The following CTPS2 variants were observed in gnomAD, a reference collection of about 807,000 sequenced individuals.
The protein encoded by CTPS2 is CTP synthase 2.
Under a neutral mutation model 46.8 loss-of-function variants are expected in CTPS2, and 19 were observed. That is an observed-to-expected ratio of 0.41 (90% confidence interval 0.28 to 0.60). The LOEUF (loss-of-function observed/expected upper bound fraction) is 0.60, where lower values mean the gene tolerates loss of function less well. Among genes scored for constraint, CTPS2 ranks in the 20% least tolerant of loss-of-function variants. CTPS2 has a pLI of 0.35. For missense variants in CTPS2, 286 were observed against 447.6 expected, an observed-to-expected ratio of 0.64 and a Z score of 3.26; for synonymous variants, 151 against 165.2, an observed-to-expected ratio of 0.91 and a Z score of 0.66.
At chrX:16,636,662 C>T (rs972175094) in intron 14 of CTPS2, among the ~76,000 whole-genome samples, 26 of 111,718 alleles carry the variant, frequency 2.3e-4, no homozygotes, top group African/African-American at 8.1e-4. Context: ...CGGTGGCTCA[C>T]GCCTGTAATC....
intron 14 of CTPS2, among the ~76,000 whole-genome samples, chrX:16,620,946 G>A (rs1450950585): frequency 8.9e-6 from 1 of 112,070 alleles, no homozygotes; most frequent in Non-Finnish European, 1.9e-5. Flanking sequence ...ATAGAAATGA[G>A]GACAAAGACT....
rs1350167470 is a variant in CTPS2, at chrX:16,589,396, C to T, written c.*421G>A. ...AAATCTGTGGCTGAGTTCCAGGTAA[C>T]ACAGTGACTCATTTTCTTACTCAAA... On this transcript the variant is annotated 3_prime_UTR_variant, in exon 19 of 19. Transcript: ENST00000359276. 2 of 112,190 alleles carry T rather than the reference C, an allele frequency of 1.8e-5. No individual in the cohort carries two copies. The highest frequency in any genetic ancestry group is 3.8e-5 in the Non-Finnish European group (2 of 53,250). 9.2% of individuals were successfully genotyped at this position (112,190 alleles called of 1,213,427 possible). A position where few individuals can be genotyped will look rare whatever the true frequency, so the allele number is the denominator to read the frequency against.
At chrX:16,695,888 C>T (rs1156601888) in intron 4 of CTPS2, among the ~76,000 whole-genome samples, 1 of 105,959 alleles carries the variant, frequency 9.4e-6, no homozygotes, top group Non-Finnish European at 1.9e-5. Flanking sequence ...TCTCGCTCTG[C>T]CACCCAGGCT....
At chrX:16,634,245 T>C (rs1250787398) in intron 14 of CTPS2, among the ~76,000 whole-genome samples, 15 of 112,163 alleles carry the variant, frequency 1.3e-4, no homozygotes, top group Admixed American at 1.3e-3. Flanking sequence ...CTTTTTTTAA[T>C]TGACAATAAT....
intron 14 of CTPS2, among the ~76,000 whole-genome samples, chrX:16,621,941 A>AT (rs922078598): frequency 9.0e-6 from 1 of 111,275 alleles, no homozygotes; most frequent in Non-Finnish European, 1.9e-5. Context: ...TATTTAAGGT[A>AT]TGTATTTTAG....
Position 16,588,088 on chromosome X carries a change from C to T in CTPS2, c.*1729G>A, listed in dbSNP as rs184119500. ...CTACAACATGGGTAAACCTTGCAAA[C>T]GCCATGCTAAATGGAAGCCTGACTG... On this transcript the variant is annotated 3_prime_UTR_variant, in exon 19 of 19. Transcript: ENST00000359276. 1.8e-5 allele frequency: 2 copies of T among 112,148 alleles called. No homozygotes were observed. Among genetic ancestry groups the T allele is most frequent in the African/African-American group, 6.5e-5 (2 of 30,887 alleles). The allele number at this position is 112,148 out of a possible 1,213,427, so 9.2% of individuals were successfully genotyped here.
intron 1 of CTPS2, among the ~76,000 whole-genome samples, chrX:16,705,153 A>T (rs1200638121): frequency 1.9e-5 from 2 of 107,946 alleles, no homozygotes; most frequent in African/African-American, 6.8e-5. Context: ...TAAAAAAAAA[A>T]GTCTTGCCAG....
intron 13 of CTPS2, among the ~76,000 whole-genome samples, chrX:16,651,428 G>A (rs1208405744): frequency 2.7e-5 from 3 of 111,864 alleles, no homozygotes; most frequent in Middle Eastern, 4.6e-3. Flanking sequence ...AAGTCACCAA[G>A]CAAACCCAAT....
chrX:16,698,846 C>T (rs1924337338), intron 3 of CTPS2, 77 bp downstream of exon 3: 31 of 988,076 alleles, frequency 3.1e-5, no homozygotes, highest in South Asian at 2.8e-4. Context: ...CCACCGTGCC[C>T]GGCCTTCAGT....
intron 1 of CTPS2, among the ~76,000 whole-genome samples, chrX:16,710,627 G>C (rs182064668): frequency 4.2e-4 from 47 of 111,899 alleles, no homozygotes; most frequent in Admixed American, 3.2e-3. Context: ...TGTTGTTGTT[G>C]TTGTTGTTTT....
chrX:16,597,131 C>G (rs1188498888), intron 17 of CTPS2, among the ~76,000 whole-genome samples: 1 of 111,149 alleles, frequency 9.0e-6, no homozygotes, highest in Non-Finnish European at 1.9e-5. Flanking sequence ...AATTTTCTCC[C>G]ATTTTGTGGG....
At chrX:16,708,637 A>C (rs938064825) in intron 1 of CTPS2, among the ~76,000 whole-genome samples, 5 of 111,187 alleles carry the variant, frequency 4.5e-5, no homozygotes, top group Non-Finnish European at 9.4e-5. Context: ...GATAAACAAA[A>C]AGACAAGGTC....
intron 13 of CTPS2, 109 bp from the exon 14 acceptor site, chrX:16,639,352 C>A (rs942706409): frequency 3.4e-6 from 2 of 586,019 alleles, no homozygotes; most frequent in Non-Finnish European, 5.9e-6. Flanking sequence ...GGTCCCTAAA[C>A]TATAACATTT....
At chrX:16,669,477 A>G (rs969489126) in intron 11 of CTPS2, among the ~76,000 whole-genome samples, 1 of 110,026 alleles carries the variant, frequency 9.1e-6, no homozygotes, top group Admixed American at 9.8e-5. Flanking sequence ...TGGGACATAA[A>G]GAGATGCTAT....
chrX:16,694,696 A>T (rs971136968), intron 4 of CTPS2, among the ~76,000 whole-genome samples: 1 of 112,324 alleles, frequency 8.9e-6, no homozygotes. Flanking sequence ...TGTTACCAAA[A>T]TTACAGCAGA....
At position 16,667,728 on chromosome X, in the gene CTPS2, T is replaced by C; in HGVS notation, c.1190-4A>G. On this transcript the variant is annotated splice_region_variant and splice_polypyrimidine_tract_variant and intron_variant, in intron 11 of 18. Transcript: ENST00000359276. ...AGTTGCATCCCAAGACAAACTCCTA[T>C]TTTAAAAAGCACATATGCAAAGCAA... The C allele has an allele frequency of 8.3e-7, 1 of 1,204,890 alleles. No homozygotes were observed. Among genetic ancestry groups the C allele is most frequent in the Non-Finnish European group, 1.1e-6 (1 of 890,332 alleles).
intron 1 of CTPS2, among the ~76,000 whole-genome samples, chrX:16,706,049 C>T (rs752245560): frequency 9.4e-5 from 10 of 106,428 alleles, no homozygotes; most frequent in Non-Finnish European, 1.9e-5. Flanking sequence ...TGCAGTGAGC[C>T]GAGATTGTGC....
chrX:16,598,585 G>C (rs1168065786), intron 17 of CTPS2, among the ~76,000 whole-genome samples: 1 of 111,959 alleles, frequency 8.9e-6, no homozygotes, highest in Non-Finnish European at 1.9e-5. Flanking sequence ...CAACCAAAAA[G>C]AGTACAAGAC....
At chrX:16,652,995 T>A (rs1174823583) in intron 13 of CTPS2, among the ~76,000 whole-genome samples, 2 of 111,499 alleles carry the variant, frequency 1.8e-5, no homozygotes, top group Non-Finnish European at 3.8e-5. Context: ...ATATCTTCCA[T>A]AGAGATGTGC....
Sources: gnomAD v4.1 joint callset for allele counts (sites outside exome capture counted in the v4.1 genomes callset) on GRCh38, gnomAD v4.1.1 for gene constraint, MANE v1.5 for transcripts, NCBI Gene and HGNC (gene_info 2026-07-23, HGNC 2026-07-21) for gene names.